The following SLFNL1 variants were observed in gnomAD, a reference collection of about 807,000 sequenced individuals.
SLFNL1 encodes the protein schlafen-like protein 1.
Under a neutral mutation model 32.5 loss-of-function variants are expected in SLFNL1, and 26 were observed. That is an observed-to-expected ratio of 0.80 (90% CI 0.59 to 1.11). The LOEUF is 1.11. SLFNL1 is among the 50% of genes least tolerant of loss of function. The pLI, the probability that SLFNL1 is intolerant of heterozygous loss-of-function variation, is 0.00. For synonymous variants in SLFNL1, 255 were observed against 242.2 expected (o/e 1.05, Z -0.49); for missense variants, 553 against 546.5 (o/e 1.01, Z -0.12).
rs146420187 is a variant in SLFNL1 at position 41,017,765 on chromosome 1, C to T, written c.827G>A (p.Arg276His). Residue 276 changes from arginine (R) to histidine (H), a missense_variant, in exon 4 of 6, where the codon CGT (arginine) becomes CAT (histidine). Physicochemically the swap from Arg to His is conservative, Grantham distance 29 (BLOSUM62 0). Coordinates refer to ENST00000302946, the MANE Select transcript of SLFNL1 (RefSeq NM_144990.4). This position sits in a 1 kb window ranked among gnomAD's most constrained non-coding sequence, Gnocchi z 4.9. ...GLVQGIRCSHRDEDRARLLVD... is the reference protein window; with the variant it reads ...GLVQGIRCSHHDEDRARLLVD... Reference sequence around the variant, plus strand: ...CAGCAGGCGTGCGCGGTCCTCGTCACGGTGGCTGCAGCGGATGCCCTGCAC... The same window carrying T: ...CAGCAGGCGTGCGCGGTCCTCGTCATGGTGGCTGCAGCGGATGCCCTGCAC... 436 of 1,607,726 alleles carry T rather than the reference C, an allele frequency of 2.7e-4. 1 individual carries two copies. The African/African-American group carries it at 5.1e-3, about 19-fold the overall frequency.
Position 41,017,062 on chromosome 1 carries a change from C to G in SLFNL1, c.1101+172G>C, listed in dbSNP as rs1359119367. ...TGGGCCTCTTCCTTCCCACCAGCCA[C>G]CTACCCGCGGAGTATGGGATGTGGT... On this transcript the variant is annotated intron_variant, in intron 5 of 5. Coordinates refer to ENST00000302946, the MANE Select transcript of SLFNL1 (RefSeq NM_144990.4). This position sits in a 1 kb window ranked among gnomAD's most constrained non-coding sequence, Gnocchi z 4.9. The G allele has an allele frequency of 7.6e-5, 58 of 760,362 alleles. No homozygotes were observed. The East Asian group carries it at 1.7e-3, about 22-fold the overall frequency. 47.1% of individuals were successfully genotyped at this position (760,362 alleles called of 1,614,324 possible).
rs773273530 is a variant in SLFNL1 at position 41,017,997 on chromosome 1, TGTC to T, written c.592_594del (p.Asp198del). On this transcript the variant is annotated inframe_deletion, in exon 4 of 6. Transcript: ENST00000302946. The surrounding 1 kb of genome is among the most constrained non-coding windows in gnomAD (Gnocchi z 4.9). Reference sequence around the variant, plus strand: ...ACGATCTGCTGGTGCACAATGGCACTGTCGGAGCACACGCCGCTGGGCCGGCCC... The same window carrying T: ...ACGATCTGCTGGTGCACAATGGCACTGGAGCACACGCCGCTGGGCCGGCCC... 1.1e-5 allele frequency: 17 copies of T among 1,608,554 alleles called. No individual in the cohort carries two copies. Among genetic ancestry groups the T allele is most frequent in the Non-Finnish European group, 1.4e-5 (17 of 1,178,156 alleles).
At chr1:41,019,462 T>C (rs369843046) in intron 3 of SLFNL1, among the ~76,000 whole-genome samples, 2 of 152,124 alleles carry the variant, frequency 1.3e-5, no homozygotes, top group African/African-American at 4.8e-5. Context: ...CCTTGGATGA[T>C]AGCCTTGGTG....
At chr1:41,018,218 A>G in intron 3 of SLFNL1, 62 bp from the exon 4 acceptor site, 1 of 1,417,702 alleles carries the variant, frequency 7.1e-7, no homozygotes, top group Non-Finnish European at 9.2e-7. Flanking sequence ...CCTGACCCTG[A>G]GAAGGACTGC....
At chr1:41,018,269 C>G (rs547631112) in intron 3 of SLFNL1, 113 bp from the exon 4 acceptor site, 7 of 1,146,324 alleles carry the variant, frequency 6.1e-6, no homozygotes, top group Admixed American at 6.1e-5. Context: ...CTGACTCTTA[C>G]GGACATCCTG....
intron 3 of SLFNL1, 141 bp from the exon 4 acceptor site, chr1:41,018,297 G>A (rs536581223): frequency 2.8e-5 from 24 of 854,540 alleles, no homozygotes; most frequent in African/African-American, 3.4e-5. Flanking sequence ...TCACCAGGCC[G>A]AGGGGCCCAG....
Position 41,017,662 on chromosome 1 carries a change from A to G in SLFNL1, c.930T>C (p.Ser310=), listed in dbSNP as rs1643462865. 2 of 1,546,808 alleles carry G rather than the reference A, an allele frequency of 1.3e-6. No homozygotes were observed. The highest frequency in any genetic ancestry group is 1.2e-5 in the South Asian group (1 of 80,718). Residue 310 remains serine (S), a synonymous_variant, in exon 4 of 6, where the codon AGT becomes AGC. Transcript: ENST00000302946. The surrounding 1 kb of genome is among the most constrained non-coding windows in gnomAD (Gnocchi z 4.9). ...TGAGGGGGACGCTGGTCTCCGAGGT[A>G]CTGATCACAGGGATGAAGGTGAGAG... The part of the protein sequence containing the change: ...AYTLTFIPVI[S]TSETSVPLKV...
Position 41,020,401 on chromosome 1 carries a change from C to T in SLFNL1, c.260G>A (p.Arg87Lys). 1 of 1,613,190 alleles carries T rather than the reference C, an allele frequency of 6.2e-7. No homozygotes were observed. Among genetic ancestry groups the T allele is most frequent in the Non-Finnish European group, 8.5e-7 (1 of 1,180,040 alleles). Residue 87 changes from arginine (R) to lysine (K), a missense_variant, in exon 3 of 6, where the codon AGG (arginine) becomes AAG (lysine). By Grantham distance (26) the Arg-to-Lys change is conservative. Transcript: ENST00000302946. ...CAGTGCATAGGCCTTCCGCGGCCGCCTCACCACTTCAATGTGCTCCCGCGC... is the reference window on the plus strand; with the variant it reads ...CAGTGCATAGGCCTTCCGCGGCCGCTTCACCACTTCAATGTGCTCCCGCGC... The part of the protein sequence containing the change: ...PVAREHIEVV[R>K]RPRKAYALVQ...
rs1182985820 is a variant in SLFNL1, at chr1:41,017,425, G to A, written c.958-48C>T. 2 of 1,588,016 alleles carry A rather than the reference G, an allele frequency of 1.3e-6. No homozygotes were observed. Among genetic ancestry groups the A allele is most frequent in the African/African-American group, 1.3e-5 (1 of 74,396 alleles). ...CTGGAGGCGCCGCCCCTCACGGTCG[G>A]CAGCCCCCATCCTGCCAGGCTGCTC... is the stretch of plus-strand genomic sequence containing the variant. On this transcript the variant is annotated intron_variant, in intron 4 of 5. Transcript: ENST00000302946. The surrounding 1 kb of genome is among the most constrained non-coding windows in gnomAD (Gnocchi z 4.9).
chr1:41,018,203 G>A (rs1643512439), intron 3 of SLFNL1, 47 bp from the exon 4 acceptor site: 4 of 1,431,960 alleles, frequency 2.8e-6, no homozygotes, highest in Admixed American at 2.8e-5. Flanking sequence ...CCAGGAAATG[G>A]GAGCCCTGAC....
chr1:41,020,152 T>A (rs1195026208), intron 3 of SLFNL1, 74 bp downstream of exon 3: 2 of 1,459,504 alleles, frequency 1.4e-6, no homozygotes, highest in African/African-American at 2.8e-5. Flanking sequence ...ATCCCCACTC[T>A]GCAGGCCACT....
Position 41,018,031 on chromosome 1 carries a change from G to A in SLFNL1, c.561C>T (p.Ser187=). 1 of 1,597,900 alleles carries A rather than the reference G, an allele frequency of 6.3e-7. No individual in the cohort carries two copies. The change falls in exon 4 of 6, where the codon AGC becomes AGT. Residue 187 remains serine (S), a synonymous_variant. Coordinates refer to ENST00000302946, the MANE Select transcript of SLFNL1 (RefSeq NM_144990.4). The stretch of plus-strand genomic sequence containing the variant: ...ACACGCCGCTGGGCCGGCCCTGGCA[G>A]CTCTGCAGCTGCTGGGCCTGGGGCC... ...PDRPQAQQLQ[S]CQGRPSGVCS... is the part of the protein sequence containing the mutation.
At position 41,017,559 on chromosome 1, in the gene SLFNL1, G is replaced by GC. The variant is rs1489625338; in HGVS notation, c.957+75dup. The GC allele has an allele frequency of 4.0e-6, 6 of 1,495,612 alleles. No individual in the cohort carries two copies. The African/African-American group carries it at 8.4e-5, about 21-fold the overall frequency. The allele number at this position is 1,495,612 out of a possible 1,614,324, so 92.6% of individuals were successfully genotyped here. On this transcript the variant is annotated intron_variant, in intron 4 of 5. Coordinates refer to ENST00000302946, the MANE Select transcript of SLFNL1 (RefSeq NM_144990.4). The surrounding 1 kb of genome is among the most constrained non-coding windows in gnomAD (Gnocchi z 4.9). ...CCCGTCCCTGCCCCAGCACTGCCTGGCAGGAGTGCAGGCCATCGTCTTACT... is the reference window on the plus strand; with the variant it reads ...CCCGTCCCTGCCCCAGCACTGCCTGGCCAGGAGTGCAGGCCATCGTCTTACT...
rs142330169 is a variant in SLFNL1, at chr1:41,021,463, A to T, written c.-126+160T>A. 8.5e-3 allele frequency: 1,300 copies of T among 152,612 alleles called. 8 individuals are homozygous for T. The highest frequency in any genetic ancestry group is 0.012 in the Non-Finnish European group (835 of 68,248). 9.5% of individuals were successfully genotyped at this position (152,612 alleles called of 1,614,324 possible). On this transcript the variant is annotated intron_variant, in intron 1 of 5. Transcript: ENST00000302946. ...GCCCTAGTGCCCCCGCCCCAAGTCC[A>T]GGGAGCCTCTGTCCTGAGCTGTGCA... is the stretch of plus-strand genomic sequence containing the variant.
chr1:41,019,675 G>A (rs1643670429), intron 3 of SLFNL1, among the ~76,000 whole-genome samples: 3 of 152,124 alleles, frequency 2.0e-5, no homozygotes, highest in Non-Finnish European at 2.9e-5. Context: ...CCTAAGTCCC[G>A]GCCTGGATTT....
chr1:41,020,331 C>T lies in SLFNL1; in HGVS notation c.330G>A (p.Trp110Ter), dbSNP rs749931034. Residue 110 changes from tryptophan to a stop codon, truncating the protein, a stop_gained, in exon 3 of 6, where the codon TGG becomes TGA. Transcript: ENST00000302946. LOFTEE classifies it high-confidence loss of function. Reference protein sequence around the residue: ...VHRDTLASLPWRLQTALEEHL... With the variant: ...VHRDTLASLP ...GCTCCTCCAGGGCCGTCTGCAGGCG[C>T]CAGGGGAGGGAGGCCAGGGTGTCCC... 9 of 1,613,690 alleles carry T rather than the reference C, an allele frequency of 5.6e-6. No individual in the cohort carries two copies. The highest frequency in any genetic ancestry group is 4.4e-5 in the South Asian group (4 of 91,086).
chr1:41,021,705 T>TCTCAGGGAACTTGGAGGCTTGG lies in SLFNL1; in HGVS notation c.-209_-208insCCAAGCCTCCAAGTTCCCTGAG, dbSNP rs1339137905. ...AGCCTCCCGACCCCTGGCCGGTAGC[T>TCTCAGGGAACTTGGAGGCTTGG]CTCAGGGAACTTGGAGGCTTGGCAC... On this transcript the variant is annotated 5_prime_UTR_variant, in exon 1 of 6. Coordinates refer to ENST00000302946, the MANE Select transcript of SLFNL1 (RefSeq NM_144990.4). 1 of 152,218 alleles carries TCTCAGGGAACTTGGAGGCTTGG rather than the reference T, an allele frequency of 6.6e-6. No individual in the cohort carries two copies. The highest frequency in any genetic ancestry group is 1.5e-5 in the Non-Finnish European group (1 of 68,086). 9.4% of individuals were successfully genotyped at this position (152,218 alleles called of 1,614,324 possible).
intron 3 of SLFNL1, among the ~76,000 whole-genome samples, chr1:41,019,532 T>C (rs994302437): frequency 6.6e-6 from 1 of 152,086 alleles, no homozygotes; most frequent in Non-Finnish European, 1.5e-5. Context: ...CTGCAGCCTT[T>C]AGTGGGAGCT....
chr1:41,017,080 G>T lies in SLFNL1; in HGVS notation c.1101+154C>A. 2.2e-6 allele frequency: 2 copies of T among 890,464 alleles called. No individual in the cohort carries two copies. Among genetic ancestry groups the T allele is most frequent in the Non-Finnish European group, 3.3e-6 (2 of 610,218 alleles). The allele number at this position is 890,464 out of a possible 1,614,324, so 55.2% of individuals were successfully genotyped here. On this transcript the variant is annotated intron_variant, in intron 5 of 5. Coordinates refer to ENST00000302946, the MANE Select transcript of SLFNL1 (RefSeq NM_144990.4). This position sits in a 1 kb window ranked among gnomAD's most constrained non-coding sequence, Gnocchi z 4.9. ...CCAGCCACCTACCCGCGGAGTATGG[G>T]ATGTGGTGTGATTGTATTCCAACCC...
Sources: gnomAD v4.1 joint callset for allele counts (sites outside exome capture counted in the v4.1 genomes callset) on GRCh38, gnomAD v4.1.1 for gene constraint, Gnocchi (gnomAD v3.1) non-coding constraint, MANE v1.5 for transcripts, NCBI Gene and HGNC (gene_info 2026-07-23, HGNC 2026-07-21) for gene names.